Variants in DSCAML1 observed in about 807,000 individuals in gnomAD.
DSCAML1 encodes the protein DS cell adhesion molecule like 1.
DSCAML1 carries 38 observed loss-of-function variants against 200.5 expected under a neutral mutation model. The ratio of observed to expected loss-of-function variants is 0.19; its 90% CI spans 0.15 to 0.25. The LOEUF (loss-of-function observed/expected upper bound fraction) is 0.25. Among genes scored for constraint, DSCAML1 ranks in the 10% least tolerant of loss-of-function variants. The probability of loss-of-function intolerance (pLI) is 1.00; values close to 1 mark genes in which losing one functional copy is unlikely to be tolerated. For synonymous variants in DSCAML1, 1,215 were observed against 1,165.0 expected (o/e 1.04, Z -0.87); for missense variants, 2,223 against 2,858.8 (o/e 0.78, Z 5.07).
rs1038265665 is a variant in DSCAML1 at position 117,518,927 on chromosome 11, G to A, written c.1214-165C>T. On this transcript the variant is annotated intron_variant, in intron 6 of 32. Transcript: ENST00000651296. This position sits in a 1 kb window ranked among gnomAD's most constrained non-coding sequence, Gnocchi z 6.3. The stretch of plus-strand genomic sequence containing the variant: ...CTATCCGCAACCCCAAGTGGTGCCA[G>A]TTACTGCTGTACATGGATTCAGGCT... Among the ~76,000 whole-genome samples, 3 of 152,242 alleles carry A rather than the reference G, an allele frequency of 2.0e-5. No homozygotes were observed. The highest frequency in any genetic ancestry group is 7.2e-5 in the African/African-American group (3 of 41,468).
rs186575409 is a variant in DSCAML1 at position 117,507,985 on chromosome 11, C to T, written c.1784-2253G>A. ...TCAATGCCCATTCCTGAGACCTCCCCGAGATCTCTCTTGTTGGGCCCCTGC... is the reference window on the plus strand; with the variant it reads ...TCAATGCCCATTCCTGAGACCTCCCTGAGATCTCTCTTGTTGGGCCCCTGC... On this transcript the variant is annotated intron_variant, in intron 8 of 32. Coordinates refer to ENST00000651296, the MANE Select transcript of DSCAML1 (RefSeq NM_020693.4). 6.6e-5 allele frequency among the ~76,000 whole-genome samples: 10 copies of T among 152,278 alleles called. No homozygotes were observed. The South Asian group carries it at 1.5e-3, about 22-fold the overall frequency.
At chr11:117,692,835 C>T (rs137959206) in intron 3 of DSCAML1, among the ~76,000 whole-genome samples, 5 of 152,180 alleles carry the variant, frequency 3.3e-5, no homozygotes, top group South Asian at 2.1e-4. Flanking sequence ...GAACTGAAAC[C>T]GGTTGTTCTA....
Position 117,437,811 on chromosome 11 carries a change from C to T in DSCAML1, c.4432+84G>A, listed in dbSNP as rs2047951380. On this transcript the variant is annotated intron_variant, in intron 25 of 32. Coordinates refer to ENST00000651296, the MANE Select transcript of DSCAML1 (RefSeq NM_020693.4). This position sits in a 1 kb window ranked among gnomAD's most constrained non-coding sequence, Gnocchi z 5.3. ...TGGACCCCTCCTTCCCCACCCCAGC[C>T]ACCTTACACCCCATACCTGGCCCCT... 1 of 1,405,882 alleles carries T rather than the reference C, an allele frequency of 7.1e-7. No individual in the cohort carries two copies. The highest frequency in any genetic ancestry group is 1.4e-5 in the African/African-American group (1 of 69,704). The allele number at this position is 1,405,882 out of a possible 1,614,324, so 87.1% of individuals were successfully genotyped here. A position where few individuals can be genotyped will look rare whatever the true frequency, so the allele number is the denominator to read the frequency against.
upstream of DSCAML1, among the ~76,000 whole-genome samples, chr11:117,800,284 G>T (rs562293004): frequency 6.6e-6 from 1 of 152,314 alleles, no homozygotes; most frequent in South Asian, 2.1e-4. Flanking sequence ...GAGTCAGGCG[G>T]CGTGTTCTAC....
chr11:117,608,597 G>A (rs1230239253), intron 3 of DSCAML1, among the ~76,000 whole-genome samples: 1 of 152,194 alleles, frequency 6.6e-6, no homozygotes, highest in African/African-American at 2.4e-5. Flanking sequence ...GTGCCCATGA[G>A]ATAGTCCATT....
chr11:117,432,423 G>A lies in DSCAML1; in HGVS notation c.5108C>T (p.Ser1703Phe). 6 of 1,614,180 alleles carry A rather than the reference G, an allele frequency of 3.7e-6. No individual in the cohort carries two copies. The highest frequency in any genetic ancestry group is 5.1e-6 in the Non-Finnish European group (6 of 1,180,040). Residue 1703 changes from serine to phenylalanine, a missense_variant, in exon 30 of 33, where the codon TCC becomes TTC. Physicochemically the swap from Ser to Phe is radical, Grantham distance 155. Coordinates refer to ENST00000651296, the MANE Select transcript of DSCAML1 (RefSeq NM_020693.4). ...VNPQSFCTGV[S>F]LHHPTLIQST... is the part of the protein sequence containing the mutation. ...CTGGATGAGGGTTGGGTGGTGCAAG[G>A]AGACGCCAGTACAGAAGCTCTGTGG... is the stretch of plus-strand genomic sequence containing the variant.
intron 3 of DSCAML1, among the ~76,000 whole-genome samples, chr11:117,745,931 C>T (rs371899814): frequency 1.5e-3 from 232 of 152,100 alleles, no homozygotes; most frequent in African/African-American, 5.2e-3. Context: ...AGTTCCTGCA[C>T]AGGCCAGGCG....
intron 3 of DSCAML1, among the ~76,000 whole-genome samples, chr11:117,660,159 G>A (rs1189321578): frequency 6.6e-6 from 1 of 152,128 alleles, no homozygotes; most frequent in East Asian, 1.9e-4. Flanking sequence ...TACATAAGCA[G>A]GGGCTCCTGC....
In DSCAML1 at chr11:117,636,698, C is replaced by G. The variant is rs1371338859; in HGVS notation, c.512-104176G>C. 3.3e-5 allele frequency among the ~76,000 whole-genome samples: 5 copies of G among 152,298 alleles called. No individual in the cohort carries two copies. In the East Asian group the frequency reaches 9.6e-4, roughly 29 times the overall value. ...TTAGAATCAGGTCCTGGGCTTAAAACTCAGTTTCACCAATTACTAACTGTG... is the reference window on the plus strand; with the variant it reads ...TTAGAATCAGGTCCTGGGCTTAAAAGTCAGTTTCACCAATTACTAACTGTG... On this transcript the variant is annotated intron_variant, in intron 3 of 32. Transcript: ENST00000651296.
intron 3 of DSCAML1, among the ~76,000 whole-genome samples, chr11:117,564,067 G>A (rs2050710648): frequency 1.3e-5 from 2 of 152,180 alleles, no homozygotes. Context: ...GAGGTGGAGG[G>A]TTCCCTGCCA....
intron 3 of DSCAML1, among the ~76,000 whole-genome samples, chr11:117,675,463 G>C (rs1400531421): frequency 7.2e-6 from 1 of 138,808 alleles, no homozygotes; most frequent in African/African-American, 2.7e-5. Flanking sequence ...ATGCCTGGCT[G>C]ATTGAAATTT....
chr11:117,608,161 G>A (rs561539817), intron 3 of DSCAML1, among the ~76,000 whole-genome samples: 3 of 152,302 alleles, frequency 2.0e-5, no homozygotes, highest in East Asian at 1.9e-4. Flanking sequence ...AAATCTACGG[G>A]GGGATATAGA....
chr11:117,621,774 T>C (rs1218717358), intron 3 of DSCAML1, among the ~76,000 whole-genome samples: 1 of 152,118 alleles, frequency 6.6e-6, no homozygotes, highest in Non-Finnish European at 1.5e-5. Flanking sequence ...GGAGGCAATA[T>C]TTACCTCACA....
rs545688387 is a variant in DSCAML1 at position 117,790,737 on chromosome 11, C to T, written c.46+6297G>A. 2.6e-5 allele frequency among the ~76,000 whole-genome samples: 4 copies of T among 152,198 alleles called. No homozygotes were observed. In the South Asian group the frequency reaches 6.2e-4, roughly 24 times the overall value. The stretch of plus-strand genomic sequence containing the variant: ...CAACTGCTCTGTAGGATAGCCAGGA[C>T]GGGGGTAATTTTGCCCATTTTACAG... On this transcript the variant is annotated intron_variant, in intron 1 of 32. Coordinates refer to ENST00000651296, the MANE Select transcript of DSCAML1 (RefSeq NM_020693.4).
intron 27 of DSCAML1, 46 bp downstream of exon 27, chr11:117,435,598 G>A: frequency 1.3e-6 from 2 of 1,548,428 alleles, no homozygotes; most frequent in Non-Finnish European, 1.8e-6. Flanking sequence ...CAATGTGGCT[G>A]AGAGCCAACA....
At chr11:117,624,497 T>C (rs1182030863) in intron 3 of DSCAML1, among the ~76,000 whole-genome samples, 3 of 152,100 alleles carry the variant, frequency 2.0e-5, no homozygotes, top group Non-Finnish European at 4.4e-5. Flanking sequence ...CAGGTGCACT[T>C]GGATTTGGCC....
chr11:117,645,648 G>T (rs529808613), intron 3 of DSCAML1, among the ~76,000 whole-genome samples: 1 of 149,262 alleles, frequency 6.7e-6, no homozygotes, highest in South Asian at 2.1e-4. Context: ...ACTATCGCAA[G>T]AACAAAAAAC....
chr11:117,682,303 A>G (rs1294160968), intron 3 of DSCAML1, among the ~76,000 whole-genome samples: 1 of 151,992 alleles, frequency 6.6e-6, no homozygotes, highest in Admixed American at 6.6e-5. Context: ...CCTCTTCATC[A>G]CTGCTGCCTT....
chr11:117,605,304 A>G (rs1164566932), intron 3 of DSCAML1, among the ~76,000 whole-genome samples: 1 of 152,062 alleles, frequency 6.6e-6, no homozygotes, highest in Non-Finnish European at 1.5e-5. Context: ...ATGAGACTGG[A>G]AAGATGGGGT....
Sources: gnomAD v4.1 joint callset for allele counts (sites outside exome capture counted in the v4.1 genomes callset) on GRCh38, gnomAD v4.1.1 for gene constraint, Gnocchi (gnomAD v3.1) non-coding constraint, MANE v1.5 for transcripts, NCBI Gene and HGNC (gene_info 2026-07-23, HGNC 2026-07-21) for gene names.